ACO2: variants seen among roughly 807,000 people sequenced by gnomAD.
ACO2 encodes the protein aconitase 2.
Under a neutral mutation model 84.5 loss-of-function variants are expected in ACO2, and 31 were observed. The ratio of observed to expected loss-of-function variants is 0.37; its 90% CI spans 0.28 to 0.50. The LOEUF (loss-of-function observed/expected upper bound fraction) is 0.50. Ranked by LOEUF, ACO2 falls within the 20% of genes least tolerant of loss-of-function variation. The probability of loss-of-function intolerance (pLI) is 0.97; values close to 1 mark genes in which losing one functional copy is unlikely to be tolerated. For missense variants in ACO2, 685 were observed against 1,029.3 expected (o/e 0.67, Z 4.58); for synonymous variants, 414 against 412.7 (o/e 1.00, Z -0.04).
intron 1 of ACO2, among the ~76,000 whole-genome samples, chr22:41,472,668 C>T (rs2037960525): frequency 6.6e-6 from 1 of 152,084 alleles, no homozygotes; most frequent in East Asian, 1.9e-4. Flanking sequence ...CCAGGCTAGT[C>T]TCAAATTCCT....
At chr22:41,524,676 G>A (rs1471494273) in intron 12 of ACO2, among the ~76,000 whole-genome samples, 170 bp from the exon 13 acceptor site, 6 of 152,234 alleles carry the variant, frequency 3.9e-5, no homozygotes, top group Admixed American at 2.0e-4. Context: ...CCAAGGCCCC[G>A]TGGTCCCAAA....
intron 1 of ACO2, among the ~76,000 whole-genome samples, chr22:41,497,739 A>G (rs748201281): frequency 5.9e-5 from 9 of 151,930 alleles, no homozygotes; most frequent in Non-Finnish European, 1.2e-4. Context: ...AAAAATTAGC[A>G]AAGTGTGGCG....
At chr22:41,469,447 CTCTT>C (rs1836599956) in intron 1 of ACO2, 5 of 454,910 alleles carry the variant, frequency 1.1e-5, no homozygotes, top group East Asian at 3.6e-5. Context: ...GCGGAGGCAC[CTCTT>C]TCTTCTTTTT....
At chr22:41,528,053 GGGT>G (rs1569026590) in intron 17 of ACO2, 31 bp downstream of exon 17, 1 of 1,613,674 alleles carries the variant, frequency 6.2e-7, no homozygotes, top group Non-Finnish European at 8.5e-7. Flanking sequence ...TGAGGTGGTG[GGGT>G]GAGGGGCAGC....
At chr22:41,496,092 A>G (rs1423712419) in intron 1 of ACO2, among the ~76,000 whole-genome samples, 1 of 151,792 alleles carries the variant, frequency 6.6e-6, no homozygotes, top group Non-Finnish European at 1.5e-5. Context: ...TGGGTGGATC[A>G]CTTGAGGTCA....
intron 1 of ACO2, among the ~76,000 whole-genome samples, chr22:41,493,092 G>A (rs1200665924): frequency 6.6e-6 from 1 of 152,092 alleles, no homozygotes; most frequent in Non-Finnish European, 1.5e-5. Context: ...GGGAGGAAGG[G>A]GGCCGGATTT....
intron 16 of ACO2, 190 bp from the exon 17 acceptor site, chr22:41,527,711 T>C: frequency 1.1e-6 from 1 of 942,030 alleles, no homozygotes; most frequent in Non-Finnish European, 1.6e-6. Flanking sequence ...CTCGCAGACC[T>C]CAGCACCAGC....
At chr22:41,514,271 G>A (rs1022205819) in intron 4 of ACO2, among the ~76,000 whole-genome samples, 1 of 152,174 alleles carries the variant, frequency 6.6e-6, no homozygotes, top group Non-Finnish European at 1.5e-5. Context: ...CACATCCCCG[G>A]GTGGGGCACT....
intron 1 of ACO2, among the ~76,000 whole-genome samples, chr22:41,488,101 A>G (rs967627261): frequency 6.6e-6 from 1 of 152,082 alleles, no homozygotes; most frequent in Non-Finnish European, 1.5e-5. Flanking sequence ...TCTTGCACCT[A>G]ATGTGCACAA....
chr22:41,471,904 C>T (rs371684688), intron 1 of ACO2, among the ~76,000 whole-genome samples: 177 of 152,300 alleles, frequency 1.2e-3, no homozygotes, highest in African/African-American at 4.1e-3. Context: ...ATGACTCTAA[C>T]ACTCATGTAG....
At chr22:41,519,638 T>G (rs1319790892) in intron 8 of ACO2, among the ~76,000 whole-genome samples, 1 of 151,924 alleles carries the variant, frequency 6.6e-6, no homozygotes, top group Non-Finnish European at 1.5e-5. Flanking sequence ...ACCCCGTCTC[T>G]ACTAAAAAAA....
intron 1 of ACO2, among the ~76,000 whole-genome samples, chr22:41,479,471 A>G (rs2038061459): frequency 6.6e-6 from 1 of 152,226 alleles, no homozygotes; most frequent in Non-Finnish European, 1.5e-5. Context: ...CACAGCTAGC[A>G]CATGGATGCA....
chr22:41,475,083 G>A (rs1272792195), intron 1 of ACO2, among the ~76,000 whole-genome samples: 2 of 150,050 alleles, frequency 1.3e-5, no homozygotes, highest in African/African-American at 4.9e-5. Context: ...GTCCTATCTG[G>A]TCTTATTGTG....
At chr22:41,525,880 G>T (rs377565974) in intron 14 of ACO2, 3 of 213,912 alleles carry the variant, frequency 1.4e-5, no homozygotes, top group African/African-American at 6.9e-5. Context: ...GCACCCCTGT[G>T]ACAGAAGAGA....
chr22:41,494,981 G>A (rs1327527251), intron 1 of ACO2, among the ~76,000 whole-genome samples: 4 of 151,990 alleles, frequency 2.6e-5, no homozygotes, highest in Admixed American at 1.3e-4. Flanking sequence ...TGATCCACTC[G>A]CCTCAGCCTC....
chr22:41,518,375 C>T, intron 7 of ACO2, 106 bp from the exon 8 acceptor site: 2 of 817,256 alleles, frequency 2.4e-6, no homozygotes, highest in Non-Finnish European at 4.1e-6. Context: ...CTAGTCAGTG[C>T]CCAGGGTGGG....
intron 1 of ACO2, among the ~76,000 whole-genome samples, chr22:41,481,927 C>T (rs541980288): frequency 1.3e-5 from 2 of 152,228 alleles, no homozygotes; most frequent in East Asian, 1.9e-4. Context: ...CTTTACTTTC[C>T]CATCTGGTCC....
At chr22:41,477,009 C>T (rs928468353) in intron 1 of ACO2, among the ~76,000 whole-genome samples, 2 of 151,424 alleles carry the variant, frequency 1.3e-5, no homozygotes, top group Non-Finnish European at 2.9e-5. Context: ...ATTAACTGGG[C>T]ATGGTGGCGT....
chr22:41,497,015 AG>A (rs1174689370), intron 1 of ACO2, among the ~76,000 whole-genome samples: 3 of 151,824 alleles, frequency 2.0e-5, no homozygotes, highest in Non-Finnish European at 4.4e-5. Context: ...AGGTATGACG[AG>A]GAACACCAAC....
Sources: gnomAD v4.1 joint callset for allele counts (sites outside exome capture counted in the v4.1 genomes callset) on GRCh38, gnomAD v4.1.1 for gene constraint, MANE v1.5 for transcripts, NCBI Gene and HGNC (gene_info 2026-07-23, HGNC 2026-07-21) for gene names.